AOAH: variants seen among roughly 807,000 people sequenced by gnomAD.
The protein encoded by AOAH is acyloxyacyl hydrolase.
A neutral mutation model predicts 92.2 loss-of-function variants in AOAH; 64 were observed. The observed-to-expected ratio is 0.69, with a 90% CI of 0.57 to 0.86. The LOEUF is 0.86. AOAH is among the 40% of genes least tolerant of loss of function. AOAH has a pLI of 0.00. For missense variants in AOAH, 656 were observed against 694.6 expected, an observed-to-expected ratio of 0.94 and a Z score of 0.62; for synonymous variants, 263 against 254.5, an observed-to-expected ratio of 1.03 and a Z score of -0.32.
At chr7:36,651,082 G>A (rs1794548836) in intron 4 of AOAH, among the ~76,000 whole-genome samples, 1 of 152,208 alleles carries the variant, frequency 6.6e-6, no homozygotes, top group Non-Finnish European at 1.5e-5. Context: ...CCCTGAAGGA[G>A]TCACCTCCAC....
intron 4 of AOAH, among the ~76,000 whole-genome samples, chr7:36,647,639 A>G (rs1413366614): frequency 2.0e-5 from 3 of 152,220 alleles, no homozygotes; most frequent in African/African-American, 4.8e-5. Flanking sequence ...TAACACCTCT[A>G]TGAGTTTAAT....
At chr7:36,595,848 G>T (rs904811414) in intron 11 of AOAH, among the ~76,000 whole-genome samples, 3 of 152,084 alleles carry the variant, frequency 2.0e-5, no homozygotes, top group Non-Finnish European at 4.4e-5. Flanking sequence ...GCTCCCTTCG[G>T]GTAAATGTGA....
intron 16 of AOAH, among the ~76,000 whole-genome samples, chr7:36,537,908 G>A (rs1237098543): frequency 3.3e-5 from 5 of 151,944 alleles, no homozygotes; most frequent in Non-Finnish European, 1.5e-5. Flanking sequence ...CACTGGCCTA[G>A]AGAATCCACA....
In AOAH at chr7:36,530,765, G is replaced by T. The variant is rs190519073; in HGVS notation, c.1426-251C>A. 1.2e-3 allele frequency: 467 copies of T among 379,298 alleles called. 1 individual carries two copies. Among genetic ancestry groups the T allele is most frequent in the African/African-American group, 8.4e-3 (409 of 48,542 alleles). 23.5% of individuals were successfully genotyped at this position (379,298 alleles called of 1,614,324 possible). A position where few individuals can be genotyped will look rare whatever the true frequency, so the allele number is the denominator to read the frequency against. On this transcript the variant is annotated intron_variant, in intron 18 of 20. Transcript: ENST00000617537. Reference sequence around the variant, plus strand: ...AGTGATACTAGTTTTAACACCCTTGGGACTGGCAAAGGTAAGATAACCATG... The same window carrying T: ...AGTGATACTAGTTTTAACACCCTTGTGACTGGCAAAGGTAAGATAACCATG...
At chr7:36,539,144 G>A (rs1308644174) in intron 16 of AOAH, among the ~76,000 whole-genome samples, 1 of 152,176 alleles carries the variant, frequency 6.6e-6, no homozygotes, top group Non-Finnish European at 1.5e-5. Flanking sequence ...GCCTGAAATG[G>A]GAAATCTTGC....
chr7:36,530,724 C>A, intron 18 of AOAH: 1 of 504,124 alleles, frequency 2.0e-6, no homozygotes, highest in Non-Finnish European at 3.5e-6. Flanking sequence ...CATTAGGAAT[C>A]AAATCAGTGT....
chr7:36,621,814 G>C lies in AOAH; in HGVS notation c.583-34C>G, dbSNP rs775860397. ...GAAGAGCACACACAGGAGGGGTTCAGCCTGCTTTGATGTTATCCACGAGGA... is the reference window on the plus strand; with the variant it reads ...GAAGAGCACACACAGGAGGGGTTCACCCTGCTTTGATGTTATCCACGAGGA... On this transcript the variant is annotated intron_variant, in intron 7 of 20. Transcript: ENST00000617537. The C allele has an allele frequency of 2.5e-6, 4 of 1,603,622 alleles. No homozygotes were observed. The African/African-American group carries it at 5.4e-5, about 21-fold the overall frequency.
intron 12 of AOAH, among the ~76,000 whole-genome samples, chr7:36,586,660 T>C (rs1157835433): frequency 1.3e-5 from 2 of 152,170 alleles, no homozygotes; most frequent in Admixed American, 6.5e-5. Context: ...TTCACACTCT[T>C]AAAATTATTG....
At chr7:36,610,159 CAAAAAA>C (rs71553082) in intron 11 of AOAH, among the ~76,000 whole-genome samples, 3 of 49,278 alleles carry the variant, frequency 6.1e-5, no homozygotes, top group Non-Finnish European at 1.1e-4. Flanking sequence ...TCCATAATAG[CAAAAAA>C]AAAAAAAAAA....
At chr7:36,603,494 G>A (rs889872809) in intron 11 of AOAH, among the ~76,000 whole-genome samples, 1 of 152,194 alleles carries the variant, frequency 6.6e-6, no homozygotes, top group Non-Finnish European at 1.5e-5. Context: ...ATGGTAGCTT[G>A]TGCATGCCTA....
chr7:36,696,563 A>C (rs1349111937), intron 1 of AOAH, among the ~76,000 whole-genome samples: 1 of 152,190 alleles, frequency 6.6e-6, no homozygotes. Context: ...TTTGGTGCTA[A>C]TATAAATAAA....
At position 36,686,700 on chromosome 7, in the gene AOAH, A is replaced by C; in HGVS notation, c.222T>G (p.Pro74=). Residue 74 remains proline (P), a splice_region_variant and synonymous_variant, in exon 2 of 21, where the codon CCT becomes CCG. Transcript: ENST00000617537. ...CAGTATGACTCGTCCCATATTTACC[A>C]GGCAGGTAGCTGCACAGTCTCTCCA... ...ASMERLCSYL[P]EKLFLKTTCY... 6.6e-7 allele frequency: 1 copy of C among 1,523,516 alleles called. No individual in the cohort carries two copies. Among genetic ancestry groups the C allele is most frequent in the Non-Finnish European group, 8.8e-7 (1 of 1,133,602 alleles). 94.4% of individuals were successfully genotyped at this position (1,523,516 alleles called of 1,614,324 possible).
chr7:36,523,433 G>C (rs1240803703), intron 19 of AOAH, among the ~76,000 whole-genome samples: 1 of 152,206 alleles, frequency 6.6e-6, no homozygotes, highest in Non-Finnish European at 1.5e-5. Context: ...GTAGGTACCT[G>C]CTCTTCTAAT....
chr7:36,518,187 CT>C (rs66510584), intron 20 of AOAH, among the ~76,000 whole-genome samples: 67,236 of 151,366 alleles, frequency 0.44, 16,550 homozygotes, highest in East Asian at 0.59. Context: ...AGGTAGATCT[CT>C]TTTTTTTGTT....
At chr7:36,647,985 C>A (rs976474568) in intron 4 of AOAH, among the ~76,000 whole-genome samples, 3 of 152,088 alleles carry the variant, frequency 2.0e-5, no homozygotes, top group Non-Finnish European at 4.4e-5. Context: ...TTCACGCCAT[C>A]ATGCCGGGCT....
At chr7:36,525,789 T>C (rs1286307752) in intron 19 of AOAH, among the ~76,000 whole-genome samples, 4 of 152,338 alleles carry the variant, frequency 2.6e-5, no homozygotes, top group Admixed American at 2.6e-4. Flanking sequence ...GAAACACTTC[T>C]GGTCCCAAGC....
At chr7:36,584,505 C>A (rs569840065) in intron 12 of AOAH, among the ~76,000 whole-genome samples, 495 of 152,106 alleles carry the variant, frequency 3.3e-3, no homozygotes, top group African/African-American at 0.012. Context: ...CACTTCTTAG[C>A]AAATCTCTTT....
intron 13 of AOAH, among the ~76,000 whole-genome samples, chr7:36,561,186 C>T (rs1787236372): frequency 6.6e-6 from 1 of 152,012 alleles, no homozygotes. Context: ...GGATTACCAG[C>T]ACCCACCAGC....
At chr7:36,630,685 A>G (rs1028539121) in intron 6 of AOAH, among the ~76,000 whole-genome samples, 2 of 152,196 alleles carry the variant, frequency 1.3e-5, no homozygotes, top group East Asian at 3.8e-4. Flanking sequence ...CATAGGCATA[A>G]TTTAGTTTAT....
Sources: gnomAD v4.1 joint callset for allele counts (sites outside exome capture counted in the v4.1 genomes callset) on GRCh38, gnomAD v4.1.1 for gene constraint, MANE v1.5 for transcripts, NCBI Gene and HGNC (gene_info 2026-07-23, HGNC 2026-07-21) for gene names.